GRM7: variants seen among roughly 807,000 people sequenced by gnomAD.
GRM7 encodes the protein metabotropic glutamate receptor 7.
GRM7 carries 35 observed loss-of-function variants against 84.5 expected under a neutral mutation model. The ratio of observed to expected loss-of-function variants is 0.41; its 90% confidence interval spans 0.32 to 0.55. The LOEUF is 0.55. Ranked by LOEUF, GRM7 falls within the 20% of genes least tolerant of loss-of-function variation. The pLI is 0.19. For missense variants in GRM7, 1,003 were observed against 1,194.6 expected (o/e 0.84, Z 2.36); for synonymous variants, 487 against 455.1 (o/e 1.07, Z -0.89).
intron 1 of GRM7, among the ~76,000 whole-genome samples, chr3:6,880,939 A>G (rs887673297): frequency 6.6e-6 from 1 of 152,154 alleles, no homozygotes; most frequent in Non-Finnish European, 1.5e-5. Flanking sequence ...ATTATAATTT[A>G]TTATAAGTTT....
At chr3:7,041,504 C>A (rs1333150177) in intron 1 of GRM7, among the ~76,000 whole-genome samples, 1 of 152,158 alleles carries the variant, frequency 6.6e-6, no homozygotes, top group Non-Finnish European at 1.5e-5. Context: ...GAACATACCA[C>A]AATTTGTTTA....
chr3:7,138,860 T>C (rs1352634849), intron 1 of GRM7, among the ~76,000 whole-genome samples: 1 of 151,310 alleles, frequency 6.6e-6, no homozygotes, highest in African/African-American at 2.4e-5. Context: ...TCCTAAGATG[T>C]GTTCTGTTGT....
chr3:7,176,553 G>A (rs1326364948), intron 2 of GRM7, among the ~76,000 whole-genome samples: 1 of 152,196 alleles, frequency 6.6e-6, no homozygotes, highest in Non-Finnish European at 1.5e-5. Flanking sequence ...CAAAAACTGA[G>A]TAATCTACTC....
At chr3:7,655,661 C>A (rs1189054834) in intron 8 of GRM7, among the ~76,000 whole-genome samples, 1 of 152,156 alleles carries the variant, frequency 6.6e-6, no homozygotes, top group Non-Finnish European at 1.5e-5. Flanking sequence ...CATCTATCTC[C>A]CTTACTACCA....
chr3:7,740,206 A>G, intron 9 of GRM7, 151 bp from the exon 10 acceptor site: 2 of 566,696 alleles, frequency 3.5e-6, no homozygotes, highest in South Asian at 2.6e-5. Flanking sequence ...AAAGCCTTAG[A>G]GTCAGAGGAA....
intron 1 of GRM7, among the ~76,000 whole-genome samples, chr3:6,992,971 A>G (rs1192486308): frequency 6.6e-6 from 1 of 152,236 alleles, no homozygotes; most frequent in Non-Finnish European, 1.5e-5. Context: ...CCGTTTTCAT[A>G]CTGTTAATAA....
Position 6,932,917 on chromosome 3 carries a change from G to A in GRM7, c.519+71010G>A, listed in dbSNP as rs577795342. Among the ~76,000 whole-genome samples, 871 of 151,828 alleles carry A rather than the reference G, an allele frequency of 5.7e-3. 8 individuals carry two copies. The highest frequency in any genetic ancestry group is 0.05 in the South Asian group (240 of 4,802). ...TCACAGGCACCTACCACCATGCCCGGCTAATTTTTGTATTTCTAATAGAGT... is the reference window on the plus strand; with the variant it reads ...TCACAGGCACCTACCACCATGCCCGACTAATTTTTGTATTTCTAATAGAGT... On this transcript the variant is annotated intron_variant, in intron 1 of 9. Coordinates refer to ENST00000357716, the MANE Select transcript of GRM7 (RefSeq NM_000844.4).
At chr3:7,421,489 C>T (rs546703612) in intron 5 of GRM7, among the ~76,000 whole-genome samples, 27 of 152,180 alleles carry the variant, frequency 1.8e-4, no homozygotes, top group African/African-American at 6.5e-4. Flanking sequence ...TTTTTAAAAC[C>T]CCTTATCCCA....
chr3:7,517,641 T>C (rs941827893), intron 7 of GRM7, among the ~76,000 whole-genome samples: 5 of 152,122 alleles, frequency 3.3e-5, no homozygotes, highest in African/African-American at 1.2e-4. Flanking sequence ...CAATCACCTG[T>C]CTTGGCCTTC....
chr3:7,178,321 C>T (rs916135049), intron 2 of GRM7, among the ~76,000 whole-genome samples: 1 of 151,984 alleles, frequency 6.6e-6, no homozygotes, highest in African/African-American at 2.4e-5. Flanking sequence ...GTTTCTGCCA[C>T]TCTCTTCCTG....
intron 1 of GRM7, among the ~76,000 whole-genome samples, chr3:6,940,927 G>A (rs543687447): frequency 1.3e-5 from 2 of 152,222 alleles, no homozygotes; most frequent in Non-Finnish European, 2.9e-5. Flanking sequence ...GCAGCTGGCT[G>A]CTGCAGAAAT....
At chr3:7,695,027 C>CACTT (rs1559492633) in intron 9 of GRM7, among the ~76,000 whole-genome samples, 1 of 152,112 alleles carries the variant, frequency 6.6e-6, no homozygotes, top group Non-Finnish European at 1.5e-5. Flanking sequence ...TGATGGTGAT[C>CACTT]ACTTACAGAG....
chr3:7,332,956 C>G (rs1362926931), intron 4 of GRM7, among the ~76,000 whole-genome samples: 1 of 152,094 alleles, frequency 6.6e-6, no homozygotes, highest in East Asian at 1.9e-4. Context: ...AACACAGGTA[C>G]TTATCCTAGC....
intron 1 of GRM7, among the ~76,000 whole-genome samples, chr3:6,980,200 A>C (rs1694144990): frequency 6.6e-6 from 1 of 152,142 alleles, no homozygotes; most frequent in Non-Finnish European, 1.5e-5. Flanking sequence ...AAAGAAAAAC[A>C]AATAAAACTT....
In GRM7 at chr3:7,680,049, C is replaced by A. The variant is rs1274956280; in HGVS notation, c.2452C>A (p.Leu818Ile). Residue 818 changes from leucine to isoleucine, a missense_variant and splice_region_variant, in exon 9 of 10, where the codon CTC becomes ATC. Physicochemically the swap from Leu to Ile is conservative, Grantham distance 5. Around this residue, in one of 2 missense-constraint regions of GRM7, gnomAD observed 910 missense variants for 1,126.0 expected, o/e 0.81. Coordinates refer to ENST00000357716, the MANE Select transcript of GRM7 (RefSeq NM_000844.4). ...GTGCCTTGTGTGTTGTGTCTCCTAGCTCTACATACAAACTACCACGCTTAC... is the reference window on the plus strand; with the variant it reads ...GTGCCTTGTGTGTTGTGTCTCCTAGATCTACATACAAACTACCACGCTTAC... ...FFGTAQSAEKLYIQTTTLTIS... is the reference protein window; with the variant it reads ...FFGTAQSAEKIYIQTTTLTIS... The A allele has an allele frequency of 1.9e-6, 3 of 1,613,796 alleles. No homozygotes were observed. The African/African-American group carries it at 4.0e-5, about 22-fold the overall frequency.
chr3:6,917,960 T>G (rs2125026848), intron 1 of GRM7, among the ~76,000 whole-genome samples: 1 of 152,314 alleles, frequency 6.6e-6, no homozygotes, highest in East Asian at 1.9e-4. Context: ...TGCCTTAAAT[T>G]TTGTATGGTT....
intron 2 of GRM7, among the ~76,000 whole-genome samples, chr3:7,150,113 GA>G (rs1421633518): frequency 3.3e-5 from 5 of 152,152 alleles, no homozygotes; most frequent in African/African-American, 7.2e-5. Flanking sequence ...AAGAAAGAGA[GA>G]GGGGGGTGCA....
At chr3:7,458,885 A>T (rs1409286107) in intron 6 of GRM7, among the ~76,000 whole-genome samples, 1 of 152,258 alleles carries the variant, frequency 6.6e-6, no homozygotes, top group African/African-American at 2.4e-5. Flanking sequence ...GCAAACTGAC[A>T]GGATTCTCAT....
At chr3:7,617,481 A>C (rs1697146285) in intron 8 of GRM7, among the ~76,000 whole-genome samples, 1 of 152,140 alleles carries the variant, frequency 6.6e-6, no homozygotes, top group Non-Finnish European at 1.5e-5. Flanking sequence ...AATATAACAC[A>C]AATTTGGAAA....
Sources: allele counts gnomAD v4.1 joint callset (sites outside exome capture counted in the v4.1 genomes callset), GRCh38; gene constraint gnomAD v4.1.1; regional missense constraint gnomAD v4.1.1; transcripts MANE v1.5; gene names NCBI Gene and HGNC (gene_info 2026-07-23, HGNC 2026-07-21).